ELMO1: variants seen among roughly 807,000 people sequenced by gnomAD.
ELMO1 encodes the protein engulfment and cell motility protein 1.
In ELMO1, 26 loss-of-function variants were observed where a neutral mutation model predicts 98.9. The observed-to-expected ratio is 0.26, with a 90% CI of 0.19 to 0.36. ELMO1 has a LOEUF of 0.36. Among genes scored for constraint, ELMO1 ranks in the 10% least tolerant of loss-of-function variants. ELMO1 has a pLI of 1.00. For missense variants in ELMO1, 627 were observed against 935.2 expected, an observed-to-expected ratio of 0.67 and a Z score of 4.30; for synonymous variants, 346 against 346.0, an observed-to-expected ratio of 1.00 and a Z score of 0.00.
At chr7:37,311,780 C>A (rs186134827) in intron 4 of ELMO1, among the ~76,000 whole-genome samples, 1 of 152,142 alleles carries the variant, frequency 6.6e-6, no homozygotes, top group African/African-American at 2.4e-5. Flanking sequence ...TGAGTCTTCT[C>A]ACTCCTTAAA....
rs200242987 is a variant in ELMO1 at position 37,259,164 on chromosome 7, G to C, written c.413+17C>G. 1.5e-4 allele frequency: 244 copies of C among 1,599,376 alleles called. No homozygotes were observed. Among genetic ancestry groups the C allele is most frequent in the Non-Finnish European group, 2.0e-4 (232 of 1,170,644 alleles). On this transcript the variant is annotated intron_variant, in intron 6 of 21. Transcript: ENST00000310758. ...ACACGCAGGACAGCTGTGGAAGTTAGGAAAAAAGACGCTTACTCAGTGCCG... is the reference window on the plus strand; with the variant it reads ...ACACGCAGGACAGCTGTGGAAGTTACGAAAAAAGACGCTTACTCAGTGCCG...
At chr7:36,928,419 G>C (rs879764123) in intron 16 of ELMO1, among the ~76,000 whole-genome samples, 1 of 152,160 alleles carries the variant, frequency 6.6e-6, no homozygotes, top group Non-Finnish European at 1.5e-5. Context: ...TGTAAATCAG[G>C]TGCAGAAGGC....
At chr7:36,962,456 A>G (rs1434773328) in intron 16 of ELMO1, among the ~76,000 whole-genome samples, 1 of 152,212 alleles carries the variant, frequency 6.6e-6, no homozygotes, top group Non-Finnish European at 1.5e-5. Context: ...AGCACTGAAG[A>G]AGTTCCTGTA....
chr7:37,044,009 A>G (rs138713944), intron 15 of ELMO1, among the ~76,000 whole-genome samples: 11 of 152,342 alleles, frequency 7.2e-5, no homozygotes, highest in African/African-American at 2.4e-4. Flanking sequence ...GACAGACTCA[A>G]CGAGGAGGAG....
rs531175349 is a variant in ELMO1 at position 36,870,792 on chromosome 7, G to A, written c.1823-317C>T. 1.8e-3 allele frequency among the ~76,000 whole-genome samples: 271 copies of A among 152,336 alleles called. 1 individual carries two copies. The highest frequency in any genetic ancestry group is 5.9e-3 in the African/African-American group (246 of 41,576). ...TGAAGTCATGGCATTAGAAGCAGCAGTAGAAATAACAGTGATTGTAATAAC... is the reference window on the plus strand; with the variant it reads ...TGAAGTCATGGCATTAGAAGCAGCAATAGAAATAACAGTGATTGTAATAAC... On this transcript the variant is annotated intron_variant, in intron 19 of 21. Coordinates refer to ENST00000310758, the MANE Select transcript of ELMO1 (RefSeq NM_014800.11). This position sits in a 1 kb window ranked among gnomAD's most constrained non-coding sequence, Gnocchi z 4.4.
At chr7:37,078,073 C>T (rs772652729) in intron 15 of ELMO1, among the ~76,000 whole-genome samples, 6 of 152,168 alleles carry the variant, frequency 3.9e-5, no homozygotes, top group Non-Finnish European at 8.8e-5. Flanking sequence ...CACAGTGCTG[C>T]AGGCCCATGA....
At chr7:37,043,093 T>C (rs969761778) in intron 15 of ELMO1, among the ~76,000 whole-genome samples, 15 of 152,210 alleles carry the variant, frequency 9.9e-5, no homozygotes, top group African/African-American at 3.6e-4. Context: ...CAGTGTTCAC[T>C]GTGGCAGGTT....
chr7:37,278,851 C>A (rs1796989823), intron 4 of ELMO1, among the ~76,000 whole-genome samples: 1 of 152,206 alleles, frequency 6.6e-6, no homozygotes, highest in Non-Finnish European at 1.5e-5. Flanking sequence ...CAGCATTTAA[C>A]TGAGGCAAGG....
At chr7:37,448,174 G>A (rs987264197) in intron 1 of ELMO1, among the ~76,000 whole-genome samples, 13 of 150,198 alleles carry the variant, frequency 8.7e-5, no homozygotes, top group Non-Finnish European at 1.5e-4. Context: ...TCCCATCCCC[G>A]AGTGCAGGAG....
intron 20 of ELMO1, among the ~76,000 whole-genome samples, chr7:36,863,853 C>A (rs1342408341): frequency 1.3e-5 from 2 of 151,938 alleles, no homozygotes; most frequent in Admixed American, 6.6e-5. Flanking sequence ...GCTATAATTT[C>A]AAAAATTCAT....
At chr7:36,949,952 G>C (rs898595527) in intron 16 of ELMO1, among the ~76,000 whole-genome samples, 1 of 152,208 alleles carries the variant, frequency 6.6e-6, no homozygotes, top group Non-Finnish European at 1.5e-5. Flanking sequence ...TGGCTAAGCT[G>C]GTTCTGCAAA....
In ELMO1 at chr7:36,878,037, C is replaced by G. The variant is rs1318689741; in HGVS notation, c.1795G>C (p.Val599Leu). The G allele has an allele frequency of 1.2e-6, 2 of 1,614,030 alleles. No homozygotes were observed. Among genetic ancestry groups the G allele is most frequent in the Non-Finnish European group, 1.7e-6 (2 of 1,179,932 alleles). ...GDLEESPQGEVPHDSLQDKLP... is the reference protein window; with the variant it reads ...GDLEESPQGELPHDSLQDKLP... ...TTGTCCTGCAAGGAATCGTGGGGCACTTCTCCCTGAGGACTCTCTTCTAAG... is the reference window on the plus strand; with the variant it reads ...TTGTCCTGCAAGGAATCGTGGGGCAGTTCTCCCTGAGGACTCTCTTCTAAG... Residue 599 changes from valine (V) to leucine (L), a missense_variant, in exon 19 of 22, where the codon GTG becomes CTG. By Grantham distance (32) the Val-to-Leu change is conservative. This residue lies in a region of ELMO1 where 492 missense variants were observed against 715.6 expected (regional missense o/e 0.69). Coordinates refer to ENST00000310758, the MANE Select transcript of ELMO1 (RefSeq NM_014800.11).
intron 13 of ELMO1, among the ~76,000 whole-genome samples, chr7:37,136,288 G>A (rs1161941141): frequency 1.3e-5 from 2 of 152,114 alleles, no homozygotes; most frequent in Non-Finnish European, 2.9e-5. Context: ...CAAAAGTTTG[G>A]AAAACATATT....
intron 1 of ELMO1, among the ~76,000 whole-genome samples, chr7:37,425,732 A>C (rs1562684308): frequency 1.3e-5 from 2 of 152,250 alleles, no homozygotes. Flanking sequence ...GCAAAATGTC[A>C]TGGGTTTTAT....
At chr7:36,877,894 A>G in intron 19 of ELMO1, 116 bp downstream of exon 19, 1 of 756,096 alleles carries the variant, frequency 1.3e-6, no homozygotes, top group Non-Finnish European at 2.2e-6. Flanking sequence ...ACTTACAACT[A>G]GATGAGATGT....
intron 1 of ELMO1, among the ~76,000 whole-genome samples, chr7:37,438,557 G>A (rs568490442): frequency 9.9e-5 from 15 of 151,658 alleles, no homozygotes; most frequent in East Asian, 3.9e-4. Context: ...CCGAGATCGC[G>A]CCACTGCACT....
chr7:36,895,123 C>T, intron 16 of ELMO1, 106 bp from the exon 17 acceptor site: 1 of 1,264,348 alleles, frequency 7.9e-7, no homozygotes, highest in South Asian at 1.5e-5. Context: ...CCTCTGCACG[C>T]ATGCTCAGCA....
chr7:36,892,643 GCAGAAGTTAGACTT>G (rs1332987352), intron 17 of ELMO1, among the ~76,000 whole-genome samples: 1 of 152,162 alleles, frequency 6.6e-6, no homozygotes, highest in Non-Finnish European at 1.5e-5. Flanking sequence ...AGCCATTCTG[GCAGAAGTTAGACTT>G]CATGTAACCC....
chr7:36,974,466 G>A (rs946375674), intron 16 of ELMO1, among the ~76,000 whole-genome samples: 5 of 152,126 alleles, frequency 3.3e-5, no homozygotes, highest in African/African-American at 7.2e-5. Flanking sequence ...TGCACCAATC[G>A]ACACTCTGTA....
Sources: gnomAD v4.1 joint callset for allele counts (sites outside exome capture counted in the v4.1 genomes callset) on GRCh38, gnomAD v4.1.1 for gene constraint, gnomAD v4.1.1 regional missense constraint, Gnocchi (gnomAD v3.1) non-coding constraint, MANE v1.5 for transcripts, NCBI Gene and HGNC (gene_info 2026-07-23, HGNC 2026-07-21) for gene names.